The following KIF18A variants were observed in gnomAD, a reference collection of about 807,000 sequenced individuals.
KIF18A encodes the protein kinesin family member 18A.
A neutral mutation model predicts 103.3 loss-of-function variants in KIF18A; 67 were observed. The observed-to-expected ratio is 0.65, with a 90% CI of 0.53 to 0.79. The LOEUF (loss-of-function observed/expected upper bound fraction) is 0.79, where lower values mean the gene tolerates loss of function less well. Among genes scored for constraint, KIF18A ranks in the 30% least tolerant of loss-of-function variants. The pLI is 0.00. For synonymous variants in KIF18A, 367 were observed against 355.5 expected (o/e 1.03, Z -0.36); for missense variants, 1,032 against 1,062.5 (o/e 0.97, Z 0.40).
intron 11 of KIF18A, among the ~76,000 whole-genome samples, chr11:28,064,936 TTTATTCTAG>T (rs1329808609): frequency 1.3e-5 from 2 of 152,058 alleles, no homozygotes; most frequent in African/African-American, 4.8e-5. Flanking sequence ...CAATGGAGAA[TTTATTCTAG>T]GGAGAAGGCA....
chr11:28,079,954 A>G (rs575700963), intron 9 of KIF18A, among the ~76,000 whole-genome samples: 47 of 152,254 alleles, frequency 3.1e-4, no homozygotes, highest in South Asian at 2.1e-3. Flanking sequence ...GAAGCTTAGT[A>G]GAAACCTCTC....
chr11:28,035,494 C>G lies in KIF18A; in HGVS notation c.2397G>C (p.Arg799=). The G allele has an allele frequency of 1.3e-6, 2 of 1,546,142 alleles. No homozygotes were observed. Among genetic ancestry groups the G allele is most frequent in the African/African-American group, 1.4e-5 (1 of 72,728 alleles). Residue 799 remains arginine, a splice_region_variant and synonymous_variant, in exon 15 of 17, where the codon CGG becomes CGC. Transcript: ENST00000263181. ...TAGTTGAGAATGAAGAAGGATCAAGCCTGTATATTAATAGTGACAAATAAA... is the reference window on the plus strand; with the variant it reads ...TAGTTGAGAATGAAGAAGGATCAAGGCTGTATATTAATAGTGACAAATAAA... The part of the protein sequence containing the change: ...LPNDNKDILQ[R]LDPSSFSTKH...
chr11:28,066,770 T>C (rs1782567324), intron 11 of KIF18A, among the ~76,000 whole-genome samples: 1 of 148,566 alleles, frequency 6.7e-6, no homozygotes, highest in African/African-American at 2.5e-5. Flanking sequence ...AGAATCATTG[T>C]TCTGGAAGAG....
At chr11:28,041,518 A>ACAAATTC in intron 13 of KIF18A, among the ~76,000 whole-genome samples, 2 of 151,814 alleles carry the variant, frequency 1.3e-5, no homozygotes, top group African/African-American at 4.8e-5. Flanking sequence ...AGAGAGATCA[A>ACAAATTC]AAGGGGCAAC....
intron 9 of KIF18A, among the ~76,000 whole-genome samples, chr11:28,080,789 A>C (rs1006188723): frequency 1.5e-4 from 23 of 152,206 alleles, no homozygotes; most frequent in Non-Finnish European, 2.5e-4. Flanking sequence ...GCTTCTAAGG[A>C]AGGCTTGTAG....
chr11:28,079,021 G>T lies in KIF18A; in HGVS notation c.1263-1852C>A, dbSNP rs535080665. ...AAGTAAGTTACTTAACATATTGCCAGAATTAAAATCAAAGCTTTTATTGTT... is the reference window on the plus strand; with the variant it reads ...AAGTAAGTTACTTAACATATTGCCATAATTAAAATCAAAGCTTTTATTGTT... On this transcript the variant is annotated intron_variant, in intron 9 of 16. Transcript: ENST00000263181. 7.2e-5 allele frequency among the ~76,000 whole-genome samples: 11 copies of T among 152,056 alleles called. No individual in the cohort carries two copies. The South Asian group carries it at 2.1e-3, about 29-fold the overall frequency.
intron 9 of KIF18A, among the ~76,000 whole-genome samples, chr11:28,079,649 T>C (rs1203194088): frequency 6.6e-6 from 1 of 152,130 alleles, no homozygotes; most frequent in Admixed American, 6.6e-5. Context: ...CTCTGCAGAA[T>C]GTCAAATAAG....
chr11:28,106,422 A>G (rs867806009), intron 1 of KIF18A, among the ~76,000 whole-genome samples: 11 of 152,070 alleles, frequency 7.2e-5, no homozygotes, highest in African/African-American at 2.7e-4. Flanking sequence ...TCTTTTTGGA[A>G]TATCAGTCTT....
intron 1 of KIF18A, among the ~76,000 whole-genome samples, chr11:28,101,245 C>T (rs985947583): frequency 3.9e-5 from 6 of 152,166 alleles, no homozygotes; most frequent in Middle Eastern, 3.4e-3. Flanking sequence ...CTTGTGATAA[C>T]AAAAACTATC....
chr11:28,096,336 T>C lies in KIF18A; in HGVS notation c.325+1287A>G, dbSNP rs529916846. On this transcript the variant is annotated intron_variant, in intron 2 of 16. Transcript: ENST00000263181. ...AATTCAATCTGTCTGCTAAACCAAA[T>C]GTTAACAAACCACAAAAATACTTTT... Among the ~76,000 whole-genome samples the C allele has an allele frequency of 1.1e-4, 16 of 152,280 alleles. No individual in the cohort carries two copies. The East Asian group carries it at 2.7e-3, about 26-fold the overall frequency.
At chr11:28,083,764 A>ATTCAT (rs1282917243) in intron 7 of KIF18A, among the ~76,000 whole-genome samples, 1 of 152,154 alleles carries the variant, frequency 6.6e-6, no homozygotes, top group Non-Finnish European at 1.5e-5. Context: ...GGAGCTAAGA[A>ATTCAT]TTCATTCCTC....
At chr11:28,092,506 T>C (rs1026689979) in intron 3 of KIF18A, among the ~76,000 whole-genome samples, 2 of 152,324 alleles carry the variant, frequency 1.3e-5, no homozygotes, top group Non-Finnish European at 2.9e-5. Flanking sequence ...TACATATCTG[T>C]AGTTTATATC....
chr11:28,086,972 T>C (rs1009887011), intron 6 of KIF18A, among the ~76,000 whole-genome samples: 22 of 151,986 alleles, frequency 1.4e-4, no homozygotes. Context: ...GTAATTTGCC[T>C]TTTTTTAAAA....
At chr11:28,052,321 T>A (rs1426974976) in intron 13 of KIF18A, among the ~76,000 whole-genome samples, 1 of 152,130 alleles carries the variant, frequency 6.6e-6, no homozygotes, top group Non-Finnish European at 1.5e-5. Flanking sequence ...ACTAATTAAG[T>A]CCTGATAGTA....
At chr11:28,034,316 T>A (rs1450537903) in intron 15 of KIF18A, among the ~76,000 whole-genome samples, 1 of 151,750 alleles carries the variant, frequency 6.6e-6, no homozygotes, top group Non-Finnish European at 1.5e-5. Context: ...AATTTTTGTT[T>A]AAGTGCCAAA....
rs747191553 is a variant in KIF18A at position 28,035,500 on chromosome 11, T to C, written c.2397-6A>G. 8.2e-6 allele frequency: 12 copies of C among 1,470,876 alleles called. No individual in the cohort carries two copies. Among genetic ancestry groups the C allele is most frequent in the Non-Finnish European group, 1.0e-5 (11 of 1,086,806 alleles). The allele number at this position is 1,470,876 out of a possible 1,614,324, so 91.1% of individuals were successfully genotyped here. On this transcript the variant is annotated splice_polypyrimidine_tract_variant and splice_region_variant and intron_variant, in intron 14 of 16. Coordinates refer to ENST00000263181, the MANE Select transcript of KIF18A (RefSeq NM_031217.4). ...AGAATGAAGAAGGATCAAGCCTGTATATTAATAGTGACAAATAAAAAATAA... is the reference window on the plus strand; with the variant it reads ...AGAATGAAGAAGGATCAAGCCTGTACATTAATAGTGACAAATAAAAAATAA...
chr11:28,078,216 A>G (rs1420393680), intron 9 of KIF18A, among the ~76,000 whole-genome samples: 4 of 152,138 alleles, frequency 2.6e-5, no homozygotes, highest in African/African-American at 9.7e-5. Flanking sequence ...ATGAAACTCT[A>G]TTGGGAATGA....
intron 15 of KIF18A, among the ~76,000 whole-genome samples, chr11:28,028,957 C>T (rs969240804): frequency 6.6e-6 from 1 of 152,128 alleles, no homozygotes; most frequent in East Asian, 1.9e-4. Flanking sequence ...TGGACACATA[C>T]ACCCTCCCAA....
chr11:28,078,198 A>T (rs1851120394), intron 9 of KIF18A, among the ~76,000 whole-genome samples: 1 of 152,152 alleles, frequency 6.6e-6, no homozygotes, highest in Non-Finnish European at 1.5e-5. Context: ...TTACGTCAGT[A>T]GCTCTTAATG....
Sources: gnomAD v4.1 joint callset for allele counts (sites outside exome capture counted in the v4.1 genomes callset) on GRCh38, gnomAD v4.1.1 for gene constraint, MANE v1.5 for transcripts, NCBI Gene and HGNC (gene_info 2026-07-23, HGNC 2026-07-21) for gene names.